The following INPP4B variants were observed in gnomAD, a reference collection of about 807,000 sequenced individuals.
INPP4B encodes the protein inositol polyphosphate-4-phosphatase type II B, also known as inositol polyphosphate 4-phosphatase type II.
A neutral mutation model predicts 122.5 loss-of-function variants in INPP4B; 55 were observed. The observed-to-expected ratio is 0.45, with a 90% CI of 0.36 to 0.56. The LOEUF (loss-of-function observed/expected upper bound fraction) is 0.56, where lower values mean the gene tolerates loss of function less well. INPP4B is among the 20% of genes least tolerant of loss of function. INPP4B has a pLI of 0.00. For synonymous variants in INPP4B, 403 were observed against 388.7 expected (o/e 1.04, Z -0.43); for missense variants, 1,000 against 1,097.7 (o/e 0.91, Z 1.26).
intron 25 of INPP4B, among the ~76,000 whole-genome samples, chr4:142,080,229 C>A (rs1279375708): frequency 2.0e-5 from 3 of 152,092 alleles, no homozygotes; most frequent in Admixed American, 2.0e-4. Context: ...GCTCCCAAAC[C>A]TCATGTTCAT....
At chr4:142,494,566 TCA>T (rs149045232) in intron 2 of INPP4B, among the ~76,000 whole-genome samples, 6,333 of 152,264 alleles carry the variant, frequency 0.042, 176 homozygotes, top group Middle Eastern at 0.068. Context: ...TATTTTACTC[TCA>T]GTTTTCTTGC....
At chr4:142,214,906 T>A (rs1846444396) in intron 12 of INPP4B, among the ~76,000 whole-genome samples, 1 of 152,220 alleles carries the variant, frequency 6.6e-6, no homozygotes, top group South Asian at 2.1e-4. Context: ...ATTGTGTATG[T>A]ACACATATGT....
At chr4:142,534,893 T>C (rs919266518) in intron 2 of INPP4B, among the ~76,000 whole-genome samples, 30 of 152,068 alleles carry the variant, frequency 2.0e-4, no homozygotes, top group Admixed American at 1.2e-3. Context: ...GTAAAACATT[T>C]GTTTTACTCT....
At chr4:142,606,857 C>G (rs1353597103) in intron 2 of INPP4B, among the ~76,000 whole-genome samples, 3 of 151,912 alleles carry the variant, frequency 2.0e-5, no homozygotes, top group Non-Finnish European at 2.9e-5. Flanking sequence ...ATTTGAAAAT[C>G]AAAGGCAAAT....
At chr4:142,280,613 G>A (rs1334021340) in intron 9 of INPP4B, among the ~76,000 whole-genome samples, 1 of 151,844 alleles carries the variant, frequency 6.6e-6, no homozygotes, top group African/African-American at 2.4e-5. Context: ...GTTCATACAT[G>A]TGTTAAAATT....
chr4:142,833,086 T>C (rs2151188766), intron 1 of INPP4B, among the ~76,000 whole-genome samples: 1 of 152,178 alleles, frequency 6.6e-6, no homozygotes, highest in East Asian at 1.9e-4. Context: ...AAGACTCAAG[T>C]TTTTTTAGGG....
At chr4:142,380,225 T>A (rs1318029908) in intron 7 of INPP4B, among the ~76,000 whole-genome samples, 1 of 152,216 alleles carries the variant, frequency 6.6e-6, no homozygotes, top group African/African-American at 2.4e-5. Context: ...CTGTTGCAGA[T>A]CTTCGCATTC....
In INPP4B at chr4:142,423,628, C is replaced by G. The variant is rs145897356; in HGVS notation, c.136+5545G>C. On this transcript the variant is annotated intron_variant, in intron 5 of 25. Coordinates refer to ENST00000262992, the MANE Select transcript of INPP4B (RefSeq NM_001101669.3). Reference sequence around the variant, plus strand: ...TACCTAAGGACCTCTTGTCATTGTACCAGTACATATTGTTGTGAAAAAACT... The same window carrying G: ...TACCTAAGGACCTCTTGTCATTGTAGCAGTACATATTGTTGTGAAAAAACT... 3.3e-3 allele frequency: 816 copies of G among 250,960 alleles called. 5 individuals carry two copies. Among genetic ancestry groups the G allele is most frequent in the African/African-American group, 0.018 (770 of 42,986 alleles). The allele number at this position is 250,960 out of a possible 1,614,324, so 15.5% of individuals were successfully genotyped here. A position where few individuals can be genotyped will look rare whatever the true frequency, so the allele number is the denominator to read the frequency against.
intron 8 of INPP4B, among the ~76,000 whole-genome samples, chr4:142,311,521 A>T (rs1765509281): frequency 6.6e-6 from 1 of 152,196 alleles, no homozygotes; most frequent in Non-Finnish European, 1.5e-5. Flanking sequence ...TTCAATACAT[A>T]GTTCATAGAT....
intron 2 of INPP4B, among the ~76,000 whole-genome samples, chr4:142,474,647 C>T (rs1162579676): frequency 6.6e-6 from 1 of 152,164 alleles, no homozygotes; most frequent in Non-Finnish European, 1.5e-5. Flanking sequence ...GCAGACTACC[C>T]CACTGACTCC....
At chr4:142,226,874 G>C (rs149895787) in intron 12 of INPP4B, among the ~76,000 whole-genome samples, 187 of 152,302 alleles carry the variant, frequency 1.2e-3, no homozygotes, top group African/African-American at 4.1e-3. Flanking sequence ...CTCCTACACT[G>C]AACTGTTGGG....
intron 2 of INPP4B, among the ~76,000 whole-genome samples, chr4:142,721,701 G>A (rs1580775405): frequency 6.6e-6 from 1 of 151,994 alleles, no homozygotes; most frequent in Non-Finnish European, 1.5e-5. Flanking sequence ...CGTGCCTGTA[G>A]TCCCAGCTAC....
chr4:142,532,536 A>G (rs1827740249), intron 2 of INPP4B, among the ~76,000 whole-genome samples: 1 of 151,944 alleles, frequency 6.6e-6, no homozygotes, highest in Non-Finnish European at 1.5e-5. Context: ...CTTTCAACCA[A>G]TCTGTGTGAT....
At chr4:142,358,718 G>A (rs996156365) in intron 7 of INPP4B, among the ~76,000 whole-genome samples, 3 of 149,836 alleles carry the variant, frequency 2.0e-5, no homozygotes, top group African/African-American at 7.4e-5. Context: ...GCCATGTCGA[G>A]CAGTATCTCT....
At chr4:142,640,135 T>C (rs1750070630) in intron 2 of INPP4B, among the ~76,000 whole-genome samples, 1 of 152,154 alleles carries the variant, frequency 6.6e-6, no homozygotes, top group East Asian at 1.9e-4. Flanking sequence ...CCGAATGTCA[T>C]ATTTTCTACA....
chr4:142,588,564 T>C (rs1447261407), intron 2 of INPP4B, among the ~76,000 whole-genome samples: 1 of 149,610 alleles, frequency 6.7e-6, no homozygotes, highest in Non-Finnish European at 1.5e-5. Context: ...TTTTATAATA[T>C]ATAAATTTTA....
At chr4:142,176,882 G>C (rs1828564988) in intron 15 of INPP4B, among the ~76,000 whole-genome samples, 1 of 152,092 alleles carries the variant, frequency 6.6e-6, no homozygotes, top group Non-Finnish European at 1.5e-5. Context: ...CCTTCTTAAG[G>C]TATTCAAATT....
intron 2 of INPP4B, among the ~76,000 whole-genome samples, chr4:142,522,881 T>C (rs1826284114): frequency 6.6e-6 from 1 of 152,158 alleles, no homozygotes; most frequent in African/African-American, 2.4e-5. Flanking sequence ...TATTTTAAAG[T>C]GGCTACCACA....
chr4:142,542,317 G>A (rs1829033021), intron 2 of INPP4B, among the ~76,000 whole-genome samples: 1 of 152,130 alleles, frequency 6.6e-6, no homozygotes, highest in Non-Finnish European at 1.5e-5. Context: ...TAGACTTGCT[G>A]TGTTCAAATT....
Sources: gnomAD v4.1 joint callset for allele counts (sites outside exome capture counted in the v4.1 genomes callset) on GRCh38, gnomAD v4.1.1 for gene constraint, MANE v1.5 for transcripts, NCBI Gene and HGNC (gene_info 2026-07-23, HGNC 2026-07-21) for gene names.